Variants in WAPL observed in about 807,000 individuals in gnomAD.
WAPL encodes WAPL cohesin release factor.
In WAPL, 5 loss-of-function variants were observed where a neutral mutation model predicts 121.0. The observed-to-expected ratio is 0.04, with a 90% confidence interval of 0.02 to 0.09. The LOEUF is 0.09. Ranked by LOEUF, WAPL falls within the 10% of genes least tolerant of loss-of-function variation. The pLI is 1.00. For missense variants in WAPL, 999 were observed against 1,410.8 expected (o/e 0.71, Z 4.68); for synonymous variants, 480 against 481.5 (o/e 1.00, Z 0.04).
At chr10:86,461,740 T>C (rs1841279445) in intron 9 of WAPL, among the ~76,000 whole-genome samples, 1 of 152,232 alleles carries the variant, frequency 6.6e-6, no homozygotes, top group African/African-American at 2.4e-5. Context: ...GGGTACAAAA[T>C]GGTAACATAC....
chr10:86,515,014 C>T (rs1564591399), intron 2 of WAPL, among the ~76,000 whole-genome samples: 3 of 152,178 alleles, frequency 2.0e-5, no homozygotes, highest in Non-Finnish European at 4.4e-5. Flanking sequence ...ATTCCCAGCA[C>T]TTGGGGAGGC....
intron 12 of WAPL, among the ~76,000 whole-genome samples, chr10:86,457,035 G>A (rs899138284): frequency 1.3e-5 from 2 of 152,100 alleles, no homozygotes; most frequent in African/African-American, 4.8e-5. Flanking sequence ...GTTGTCAGAG[G>A]TTATGAAGTA....
intron 12 of WAPL, among the ~76,000 whole-genome samples, chr10:86,455,958 A>G (rs1208052104): frequency 6.6e-6 from 1 of 152,208 alleles, no homozygotes; most frequent in African/African-American, 2.4e-5. Flanking sequence ...CTTTATCAGA[A>G]CTATGAGTCT....
At chr10:86,493,212 T>C (rs193292357) in intron 4 of WAPL, among the ~76,000 whole-genome samples, 133 of 152,220 alleles carry the variant, frequency 8.7e-4, no homozygotes, top group Middle Eastern at 3.4e-3. Flanking sequence ...ACAGTGATTA[T>C]CAGATTATAT....
intron 8 of WAPL, among the ~76,000 whole-genome samples, chr10:86,469,292 G>C (rs1381785119): frequency 1.9e-3 from 1 of 532 alleles, no homozygotes; most frequent in Non-Finnish European, 5.6e-3. Context: ...TCGCTCTGTC[G>C]CCCAGGCTGG....
chr10:86,507,978 G>A (rs1023296986), intron 2 of WAPL, among the ~76,000 whole-genome samples: 1 of 151,942 alleles, frequency 6.6e-6, no homozygotes, highest in Non-Finnish European at 1.5e-5. Flanking sequence ...TGTCTATTGA[G>A]GACAATTCTA....
intron 1 of WAPL, among the ~76,000 whole-genome samples, chr10:86,519,813 C>T (rs1424141464): frequency 6.6e-6 from 1 of 152,190 alleles, no homozygotes; most frequent in Non-Finnish European, 1.5e-5. Context: ...TTTGGATTCA[C>T]TTATGTGCTA....
At chr10:86,475,643 A>AGTG (rs1841634029) in intron 4 of WAPL, among the ~76,000 whole-genome samples, 1 of 152,250 alleles carries the variant, frequency 6.6e-6, no homozygotes, top group Non-Finnish European at 1.5e-5. Context: ...TCATGCAATG[A>AGTG]CTTGATCTGG....
At chr10:86,498,940 T>G (rs1842196999) in intron 3 of WAPL, among the ~76,000 whole-genome samples, 1 of 152,192 alleles carries the variant, frequency 6.6e-6, no homozygotes, top group African/African-American at 2.4e-5. Flanking sequence ...TTGAGAGTGT[T>G]TTGAATGTTT....
intron 17 of WAPL, among the ~76,000 whole-genome samples, chr10:86,438,833 G>A (rs1589485708): frequency 6.6e-6 from 1 of 152,194 alleles, no homozygotes; most frequent in Admixed American, 6.5e-5. Context: ...AATATCAGGA[G>A]AGAAAACCCT....
chr10:86,521,708 G>A lies in WAPL; in HGVS notation c.-366C>T, dbSNP rs1000766800. The A allele has an allele frequency of 1.3e-5, 6 of 464,688 alleles. No individual in the cohort carries two copies. Among genetic ancestry groups the A allele is most frequent in the Non-Finnish European group, 2.7e-5 (6 of 224,850 alleles). The allele number at this position is 464,688 out of a possible 1,614,324, so 28.8% of individuals were successfully genotyped here. On this transcript the variant is annotated 5_prime_UTR_variant, in exon 1 of 19. Transcript: ENST00000298767. Reference sequence around the variant, plus strand: ...CCGCCGGTGAATGGTCAGTGCTGGAGTTTGAACAGGGCCCTGAACCATCTC... The same window carrying A: ...CCGCCGGTGAATGGTCAGTGCTGGAATTTGAACAGGGCCCTGAACCATCTC...
intron 15 of WAPL, among the ~76,000 whole-genome samples, chr10:86,448,446 G>C (rs12781862): frequency 0.12 from 17,554 of 152,074 alleles, 1,175 homozygotes; most frequent in Middle Eastern, 0.17. Flanking sequence ...GTGAGACCCT[G>C]TATGTATGTA....
At chr10:86,505,325 T>TTTTTTTTTTTTTTTTTTTC (rs1215016803) in intron 2 of WAPL, among the ~76,000 whole-genome samples, 1 of 131,562 alleles carries the variant, frequency 7.6e-6, no homozygotes, top group African/African-American at 2.6e-5. Context: ...TTTTTTTTTT[T>TTTTTTTTTTTTTTTTTTTC]GGAGACAGAG....
chr10:86,512,637 G>A (rs1371550192), intron 2 of WAPL, among the ~76,000 whole-genome samples: 1 of 152,232 alleles, frequency 6.6e-6, no homozygotes, highest in Non-Finnish European at 1.5e-5. Flanking sequence ...ACCTGGCTGA[G>A]AACTGACTGG....
chr10:86,519,303 G>T (rs1842624443), intron 1 of WAPL, among the ~76,000 whole-genome samples: 1 of 152,004 alleles, frequency 6.6e-6, no homozygotes, highest in Non-Finnish European at 1.5e-5. Context: ...TGAATACATC[G>T]AATATAACTT....
At chr10:86,483,794 C>CTTTTTTTTTT (rs35725128) in intron 4 of WAPL, among the ~76,000 whole-genome samples, 2 of 69,212 alleles carry the variant, frequency 2.9e-5, no homozygotes, top group Non-Finnish European at 5.0e-5. Flanking sequence ...ATTTTTTTTT[C>CTTTTTTTTTT]TTTTTTTTTT....
intron 4 of WAPL, among the ~76,000 whole-genome samples, chr10:86,476,220 C>T (rs1456653570): frequency 2.0e-5 from 3 of 151,480 alleles, no homozygotes; most frequent in South Asian, 2.1e-4. Context: ...AAAAAATTAG[C>T]GGGGCACGGT....
In WAPL at chr10:86,521,758, C is replaced by T. The variant is rs954304546; in HGVS notation, c.-416G>A. The stretch of plus-strand genomic sequence containing the variant: ...CAACGCCATTTGCGCTCCCGGCCCC[C>T]ACCTCCTTCCTCCAACAGCCGCTCG... On this transcript the variant is annotated 5_prime_UTR_variant, in exon 1 of 19. Transcript: ENST00000298767. 4.5e-6 allele frequency: 2 copies of T among 446,694 alleles called. No individual in the cohort carries two copies. The highest frequency in any genetic ancestry group is 3.4e-4 in the Middle Eastern group (1 of 2,934). 27.7% of individuals were successfully genotyped at this position (446,694 alleles called of 1,614,324 possible).
intron 17 of WAPL, among the ~76,000 whole-genome samples, chr10:86,440,516 G>T (rs1342367584): frequency 6.6e-6 from 1 of 151,928 alleles, no homozygotes; most frequent in African/African-American, 2.4e-5. Context: ...AGCCAGGATG[G>T]TCTCGATCTC....
Sources: gnomAD v4.1 joint callset for allele counts (sites outside exome capture counted in the v4.1 genomes callset) on GRCh38, gnomAD v4.1.1 for gene constraint, MANE v1.5 for transcripts, NCBI Gene and HGNC (gene_info 2026-07-23, HGNC 2026-07-21) for gene names.